Variants in SUGCT observed in about 807,000 individuals in gnomAD.
SUGCT encodes succinyl-CoA:glutarate-CoA transferase, also known as succinyl-CoA:glutarate CoA-transferase.
A neutral mutation model predicts 55.0 loss-of-function variants in SUGCT; 41 were observed. The ratio of observed to expected loss-of-function variants is 0.74; its 90% CI spans 0.58 to 0.97. SUGCT has a LOEUF of 0.97. SUGCT is among the 50% of genes least tolerant of loss of function. The pLI is 0.00. For missense variants in SUGCT, 568 were observed against 547.8 expected, an observed-to-expected ratio of 1.04 and a Z score of -0.37; for synonymous variants, 187 against 200.4, an observed-to-expected ratio of 0.93 and a Z score of 0.56.
At chr7:40,868,850 G>A in the SUGCT span, among the ~76,000 whole-genome samples, 1 of 152,066 alleles carries the variant, frequency 6.6e-6, no homozygotes, top group African/African-American at 2.4e-5. Flanking sequence ...GCCTGGCTAT[G>A]GGCTATGACT....
At chr7:40,155,085 A>G (rs987342545) in intron 1 of SUGCT, among the ~76,000 whole-genome samples, 1 of 152,176 alleles carries the variant, frequency 6.6e-6, no homozygotes, top group African/African-American at 2.4e-5. Flanking sequence ...CAGGAGTTGG[A>G]GACCAGCCTC....
intron 12 of SUGCT, among the ~76,000 whole-genome samples, chr7:40,723,376 A>G (rs1033706651): frequency 2.0e-5 from 3 of 152,112 alleles, no homozygotes; most frequent in African/African-American, 7.2e-5. Flanking sequence ...GGTGTTTAGC[A>G]GTGTTCTTCT....
chr7:40,914,536 T>C, the SUGCT span, among the ~76,000 whole-genome samples: 1 of 152,182 alleles, frequency 6.6e-6, no homozygotes, highest in Admixed American at 6.5e-5. Context: ...GGATAAGATC[T>C]TTACACAGAA....
At chr7:40,260,137 G>A (rs1791123506) in intron 7 of SUGCT, among the ~76,000 whole-genome samples, 1 of 152,130 alleles carries the variant, frequency 6.6e-6, no homozygotes, top group Admixed American at 6.5e-5. Flanking sequence ...AGCACTACTA[G>A]GTGTGCAGGA....
chr7:40,458,796 A>G (rs1201652046), intron 10 of SUGCT, among the ~76,000 whole-genome samples: 1 of 152,054 alleles, frequency 6.6e-6, no homozygotes, highest in African/African-American at 2.4e-5. Flanking sequence ...TTCTGTGGGG[A>G]TCTGCTAACA....
rs145482348 is a variant in SUGCT, at chr7:40,303,190, C to T, written c.721-13570C>T. Among the ~76,000 whole-genome samples, 663 of 151,994 alleles carry T rather than the reference C, an allele frequency of 4.4e-3. 16 individuals are homozygous for T. The highest frequency in any genetic ancestry group is 0.02 in the East Asian group (104 of 5,128). On this transcript the variant is annotated intron_variant, in intron 8 of 13. Transcript: ENST00000335693. ...CTGGGATTACAGGCGCCTGCCACCTCGCCTGGCTAATTTTTGTGTTTTTAG... is the reference window on the plus strand; with the variant it reads ...CTGGGATTACAGGCGCCTGCCACCTTGCCTGGCTAATTTTTGTGTTTTTAG...
the SUGCT span, among the ~76,000 whole-genome samples, chr7:41,015,275 G>A: frequency 6.6e-6 from 1 of 152,126 alleles, no homozygotes; most frequent in East Asian, 1.9e-4. Flanking sequence ...GTTAGTTGAC[G>A]GTGGTGATGA....
chr7:40,343,906 T>C (rs1797181627), intron 9 of SUGCT, among the ~76,000 whole-genome samples: 1 of 152,212 alleles, frequency 6.6e-6, no homozygotes, highest in African/African-American at 2.4e-5. Flanking sequence ...TCTGCCCGCC[T>C]CGGCCTCCCA....
chr7:40,510,246 GT>G lies in SUGCT; in HGVS notation c.1089+13867del, dbSNP rs199705221. ...GCTTTTTAATTACATATATAATTCTGTTTTTTTATTAAAATAAAATGATTTT... is the reference window on the plus strand; with the variant it reads ...GCTTTTTAATTACATATATAATTCTGTTTTTTATTAAAATAAAATGATTTT... On this transcript the variant is annotated intron_variant, in intron 12 of 13. Transcript: ENST00000335693. 7.0e-3 allele frequency among the ~76,000 whole-genome samples: 1,070 copies of G among 151,956 alleles called. 49 individuals carry two copies. The highest frequency in any genetic ancestry group is 0.064 in the Admixed American group (978 of 15,256).
chr7:40,853,288 T>C (rs1793948591), intron 13 of SUGCT, among the ~76,000 whole-genome samples: 1 of 152,220 alleles, frequency 6.6e-6, no homozygotes, highest in Non-Finnish European at 1.5e-5. Flanking sequence ...TATTAAACTT[T>C]CTTTTATTGT....
intron 9 of SUGCT, among the ~76,000 whole-genome samples, chr7:40,403,318 A>AC (rs1340177507): frequency 1.3e-5 from 2 of 152,188 alleles, no homozygotes; most frequent in African/African-American, 4.8e-5. Flanking sequence ...AGCTTTATTC[A>AC]CAGATACATA....
intron 1 of SUGCT, among the ~76,000 whole-genome samples, chr7:40,161,959 C>A (rs780350197): frequency 4.6e-5 from 7 of 152,080 alleles, no homozygotes; most frequent in African/African-American, 1.7e-4. Flanking sequence ...TGCAGTGGTG[C>A]GATCTTGGCT....
intron 12 of SUGCT, among the ~76,000 whole-genome samples, chr7:40,616,398 G>A (rs1799003753): frequency 6.6e-6 from 1 of 152,022 alleles, no homozygotes. Flanking sequence ...GTTTTGCCAT[G>A]TTGGCCAGGC....
At chr7:40,340,818 G>T (rs1030422754) in intron 9 of SUGCT, among the ~76,000 whole-genome samples, 2 of 152,000 alleles carry the variant, frequency 1.3e-5, no homozygotes, top group Non-Finnish European at 2.9e-5. Flanking sequence ...GATGATCAGG[G>T]TGCTCACGGG....
At chr7:40,423,774 G>T (rs1359940117) in intron 9 of SUGCT, among the ~76,000 whole-genome samples, 1 of 152,050 alleles carries the variant, frequency 6.6e-6, no homozygotes, top group Non-Finnish European at 1.5e-5. Context: ...TTGCAATGGA[G>T]AATTTGATTC....
chr7:40,931,556 C>CT, the SUGCT span, among the ~76,000 whole-genome samples: 3 of 152,050 alleles, frequency 2.0e-5, no homozygotes, highest in South Asian at 2.1e-4. Flanking sequence ...TGGTCCTGGA[C>CT]TTTTTTTGGT....
At chr7:40,242,999 A>ATCATGGC (rs1789562999) in intron 7 of SUGCT, among the ~76,000 whole-genome samples, 1 of 116,264 alleles carries the variant, frequency 8.6e-6, no homozygotes, top group Non-Finnish European at 1.6e-5. Flanking sequence ...GGCTGGTGTA[A>ATCATGGC]TCATGGCTCA....
chr7:40,611,038 G>A (rs1299680063), intron 12 of SUGCT, among the ~76,000 whole-genome samples: 1 of 152,166 alleles, frequency 6.6e-6, no homozygotes, highest in Non-Finnish European at 1.5e-5. Flanking sequence ...TCCCCTGAGT[G>A]TGCTTGGTTC....
At chr7:40,606,108 G>A (rs1160005701) in intron 12 of SUGCT, among the ~76,000 whole-genome samples, 1 of 152,178 alleles carries the variant, frequency 6.6e-6, no homozygotes, top group African/African-American at 2.4e-5. Flanking sequence ...GAGGGTAGAG[G>A]AATGTCAAAA....
Sources: gnomAD v4.1 joint callset for allele counts (sites outside exome capture counted in the v4.1 genomes callset) on GRCh38, gnomAD v4.1.1 for gene constraint, MANE v1.5 for transcripts, NCBI Gene and HGNC (gene_info 2026-07-23, HGNC 2026-07-21) for gene names.